GAK: variants seen among roughly 807,000 people sequenced by gnomAD.
The protein encoded by GAK is cyclin-G-associated kinase.
GAK carries 79 observed loss-of-function variants against 143.9 expected under a neutral mutation model. The ratio of observed to expected loss-of-function variants is 0.55; its 90% CI spans 0.46 to 0.66. The LOEUF (loss-of-function observed/expected upper bound fraction) is 0.66. Among genes scored for constraint, GAK ranks in the 30% least tolerant of loss-of-function variants. GAK has a pLI of 0.00. For missense variants in GAK, 1,693 were observed against 1,779.7 expected (o/e 0.95, Z 0.88); for synonymous variants, 881 against 765.5 (o/e 1.15, Z -2.49).
intron 1 of GAK, among the ~76,000 whole-genome samples, chr4:928,326 G>A (rs111770234): frequency 3.7e-4 from 56 of 152,336 alleles, no homozygotes; most frequent in African/African-American, 1.3e-3. Context: ...CCAAAGTGCT[G>A]GGATTACAGG....
In GAK at chr4:883,164, C is replaced by T. The variant is rs918873554; in HGVS notation, c.1404+151G>A. 1.8e-5 allele frequency: 16 copies of T among 907,138 alleles called. No individual in the cohort carries two copies. In the African/African-American group the frequency reaches 2.2e-4, roughly 12 times the overall value. The allele number at this position is 907,138 out of a possible 1,614,324, so 56.2% of individuals were successfully genotyped here. A position where few individuals can be genotyped will look rare whatever the true frequency, so the allele number is the denominator to read the frequency against. The stretch of plus-strand genomic sequence containing the variant: ...TCAGAGCAACAGAGACCCCACCTCG[C>T]CCCCTCCTGTCCCACGCTCTGCAGC... On this transcript the variant is annotated intron_variant, in intron 13 of 27. Coordinates refer to ENST00000314167, the MANE Select transcript of GAK (RefSeq NM_005255.4).
chr4:930,535 ACTGT>A (rs1725490102), intron 1 of GAK, among the ~76,000 whole-genome samples: 1 of 149,232 alleles, frequency 6.7e-6, no homozygotes, highest in Non-Finnish European at 1.5e-5. Context: ...CAAAGCTCAC[ACTGT>A]CTGTACCACC....
At chr4:885,260 A>G (rs1360862584) in intron 11 of GAK, among the ~76,000 whole-genome samples, 1 of 152,194 alleles carries the variant, frequency 6.6e-6, no homozygotes, top group East Asian at 1.9e-4. Flanking sequence ...TACTGGACCT[A>G]TAATCTAATC....
At chr4:854,760 G>A (rs1748828316) in intron 24 of GAK, among the ~76,000 whole-genome samples, 1 of 152,124 alleles carries the variant, frequency 6.6e-6, no homozygotes, top group African/African-American at 2.4e-5. Flanking sequence ...AATATTCCAG[G>A]CATGGCTGGG....
chr4:874,937 G>T (rs531908787), intron 18 of GAK, among the ~76,000 whole-genome samples: 8 of 152,234 alleles, frequency 5.3e-5, no homozygotes, highest in African/African-American at 1.9e-4. Flanking sequence ...TTCAGAGTCT[G>T]TTCTGCTGTG....
intron 19 of GAK, 42 bp downstream of exon 19, chr4:870,669 T>A: frequency 6.3e-7 from 1 of 1,592,058 alleles, no homozygotes. Context: ...ACAGAGACAC[T>A]CACCAGAACA....
chr4:910,026 G>C (rs761362650), intron 4 of GAK, among the ~76,000 whole-genome samples: 1 of 152,126 alleles, frequency 6.6e-6, no homozygotes, highest in Non-Finnish European at 1.5e-5. Flanking sequence ...GGGCCGCAGA[G>C]GGGCCTGGGC....
intron 11 of GAK, among the ~76,000 whole-genome samples, chr4:885,113 G>A (rs1716027388): frequency 6.6e-6 from 1 of 151,938 alleles, no homozygotes; most frequent in African/African-American, 2.4e-5. Context: ...CGTTTTAAAA[G>A]GCGTCTAAAC....
chr4:897,433 A>G (rs1719013708), intron 6 of GAK, among the ~76,000 whole-genome samples: 1 of 152,200 alleles, frequency 6.6e-6, no homozygotes, highest in Non-Finnish European at 1.5e-5. Flanking sequence ...AAGAAGGCCC[A>G]AGTGCAGAGA....
At chr4:922,514 CAAAA>C (rs35567795) in intron 1 of GAK, among the ~76,000 whole-genome samples, 1 of 62,926 alleles carries the variant, frequency 1.6e-5, no homozygotes, top group African/African-American at 7.7e-5. Context: ...GACTCCATCT[CAAAA>C]AAAAAAAAAA....
In GAK at chr4:851,808, G is replaced by T. The variant is rs1748194937; in HGVS notation, c.3450C>A (p.Ala1150=). 6.2e-7 allele frequency: 1 copy of T among 1,612,408 alleles called. No homozygotes were observed. Among genetic ancestry groups the T allele is most frequent in the East Asian group, 2.2e-5 (1 of 44,866 alleles). ...GCGCCCCGATCACACTGAAGTTCGA[G>T]GCATAGTTAGGCCTTGGCTGTGTGC... ...KACTQPRPNY[A]SNFSVIGARE... The change falls in exon 25 of 28, where the codon GCC becomes GCA. Residue 1150 remains alanine (A), a synonymous_variant. Coordinates refer to ENST00000314167, the MANE Select transcript of GAK (RefSeq NM_005255.4).
In GAK at chr4:877,346, T is replaced by G. The variant is rs962419519; in HGVS notation, c.1857-139A>C. On this transcript the variant is annotated intron_variant, in intron 16 of 27. Coordinates refer to ENST00000314167, the MANE Select transcript of GAK (RefSeq NM_005255.4). The stretch of plus-strand genomic sequence containing the variant: ...TAAAGAATAACCCCCATGAAGAGCC[T>G]CACAAGAATTCTAAAGTCTCCTGGG... 3.1e-5 allele frequency: 21 copies of G among 677,794 alleles called. No homozygotes were observed. In the Admixed American group the frequency reaches 5.7e-4, roughly 18 times the overall value. The allele number at this position is 677,794 out of a possible 1,614,324, so 42.0% of individuals were successfully genotyped here.
intron 5 of GAK, among the ~76,000 whole-genome samples, chr4:898,517 G>A (rs1719243227): frequency 6.6e-6 from 1 of 152,220 alleles, no homozygotes; most frequent in Admixed American, 6.5e-5. Context: ...AAAATAAAAA[G>A]CAGAAAATTA....
chr4:917,434 AAG>A (rs1407586268), intron 1 of GAK, among the ~76,000 whole-genome samples: 3 of 152,132 alleles, frequency 2.0e-5, no homozygotes, highest in African/African-American at 4.8e-5. Context: ...ATGCCAAAAA[AAG>A]AGAGTACATA....
At chr4:924,649 C>G (rs1724414180) in intron 1 of GAK, among the ~76,000 whole-genome samples, 1 of 152,196 alleles carries the variant, frequency 6.6e-6, no homozygotes, top group South Asian at 2.1e-4. Context: ...TTGTGACCCT[C>G]AATGTTGGAG....
chr4:891,526 G>A (rs935870939), intron 9 of GAK, among the ~76,000 whole-genome samples: 3 of 152,040 alleles, frequency 2.0e-5, no homozygotes, highest in East Asian at 3.9e-4. Context: ...TGGGGGAGTC[G>A]GTTGGCTTAA....
chr4:902,966 C>T lies in GAK; in HGVS notation c.525+1671G>A, dbSNP rs546457334. Among the ~76,000 whole-genome samples, 20 of 152,342 alleles carry T rather than the reference C, an allele frequency of 1.3e-4. No individual in the cohort carries two copies. The South Asian group carries it at 1.7e-3, about 13-fold the overall frequency. On this transcript the variant is annotated intron_variant, in intron 5 of 27. Transcript: ENST00000314167. Reference sequence around the variant, plus strand: ...ATCAGGAAAAGGCAAAATCACAACCCGTCAGACTATACTCCCCACCAGGCC... The same window carrying T: ...ATCAGGAAAAGGCAAAATCACAACCTGTCAGACTATACTCCCCACCAGGCC...
chr4:921,443 C>G (rs1462524217), intron 1 of GAK, among the ~76,000 whole-genome samples: 3 of 152,144 alleles, frequency 2.0e-5, no homozygotes, highest in African/African-American at 7.2e-5. Flanking sequence ...ATGGAAGATC[C>G]ACAAATGGTG....
Position 890,598 on chromosome 4 carries a change from C to T in GAK, c.1015G>A (p.Gly339Arg), listed in dbSNP as rs910103977. The T allele has an allele frequency of 5.6e-6, 9 of 1,611,446 alleles. No individual in the cohort carries two copies. The African/African-American group carries it at 8.0e-5, about 14-fold the overall frequency. Reference sequence around the variant, plus strand: ...GGCCCTCGGGACAGTGTGGCGCTCCCGTAGCCTCCATTCTGCTCCAGGAGC... The same window carrying T: ...GGCCCTCGGGACAGTGTGGCGCTCCTGTAGCCTCCATTCTGCTCCAGGAGC... ...TELLEQNGGY[G>R]SATLSRGPPP... Residue 339 changes from glycine to arginine, a missense_variant, in exon 10 of 28, where the codon GGG (glycine) becomes AGG (arginine). Around this residue, in one of 2 missense-constraint regions of GAK, gnomAD observed 871 missense variants for 991.0 expected, o/e 0.88. Coordinates refer to ENST00000314167, the MANE Select transcript of GAK (RefSeq NM_005255.4).
Sources: allele counts gnomAD v4.1 joint callset (sites outside exome capture counted in the v4.1 genomes callset), GRCh38; gene constraint gnomAD v4.1.1; regional missense constraint gnomAD v4.1.1; transcripts MANE v1.5; gene names NCBI Gene and HGNC (gene_info 2026-07-23, HGNC 2026-07-21).